NKAIN2: variants seen among roughly 807,000 people sequenced by gnomAD.
NKAIN2 encodes sodium/potassium-transporting ATPase subunit beta-1-interacting protein 2.
In NKAIN2, 14 loss-of-function variants were observed where a neutral mutation model predicts 32.6. The ratio of observed to expected loss-of-function variants is 0.43; its 90% CI spans 0.28 to 0.67. NKAIN2 has a LOEUF of 0.67. Ranked by LOEUF, NKAIN2 falls within the 30% of genes least tolerant of loss-of-function variation. NKAIN2 has a pLI of 0.17. For missense variants in NKAIN2, 198 were observed against 258.3 expected (o/e 0.77, Z 1.60); for synonymous variants, 80 against 87.2 (o/e 0.92, Z 0.46).
At chr6:124,514,660 G>C (rs1161672773) in intron 3 of NKAIN2, among the ~76,000 whole-genome samples, 1 of 151,592 alleles carries the variant, frequency 6.6e-6, no homozygotes, top group Non-Finnish European at 1.5e-5. Context: ...TCTCCAGTAA[G>C]TAGAAAGTTT....
At chr6:124,815,021 T>A (rs1205062127) in intron 5 of NKAIN2, among the ~76,000 whole-genome samples, 2 of 151,816 alleles carry the variant, frequency 1.3e-5, no homozygotes, top group Admixed American at 6.6e-5. Context: ...GCCCTGATCT[T>A]GATCTATTGT....
At chr6:124,469,867 C>T (rs563745057) in intron 3 of NKAIN2, among the ~76,000 whole-genome samples, 22 of 152,260 alleles carry the variant, frequency 1.4e-4, no homozygotes, top group Admixed American at 9.2e-4. Context: ...TTCTTCTCCC[C>T]GTCACCTCTT....
At chr6:124,807,908 C>T (rs1780667514) in intron 5 of NKAIN2, among the ~76,000 whole-genome samples, 1 of 150,384 alleles carries the variant, frequency 6.6e-6, no homozygotes, top group Non-Finnish European at 1.5e-5. Context: ...TTCCTCGACA[C>T]ATACACTCTC....
chr6:124,224,744 G>T (rs1307847821), intron 1 of NKAIN2, among the ~76,000 whole-genome samples: 1 of 151,860 alleles, frequency 6.6e-6, no homozygotes, highest in Non-Finnish European at 1.5e-5. Context: ...TTAATACATG[G>T]GTCACAGGCA....
chr6:124,466,873 T>C (rs1776780401), intron 3 of NKAIN2, among the ~76,000 whole-genome samples: 1 of 152,124 alleles, frequency 6.6e-6, no homozygotes, highest in Admixed American at 6.6e-5. Flanking sequence ...TATGAAACTT[T>C]CCAGGTATGA....
chr6:123,878,325 ACTTTTC>A (rs1773273748), intron 1 of NKAIN2, among the ~76,000 whole-genome samples: 4 of 152,070 alleles, frequency 2.6e-5, no homozygotes, highest in South Asian at 2.1e-4. Flanking sequence ...TCATATGTAC[ACTTTTC>A]CATTTCTTAC....
chr6:124,635,988 A>G (rs1161193803), intron 3 of NKAIN2, among the ~76,000 whole-genome samples: 1 of 152,080 alleles, frequency 6.6e-6, no homozygotes, highest in Non-Finnish European at 1.5e-5. Context: ...TACAGAATAC[A>G]TATTCTTCTC....
chr6:123,829,793 GA>G (rs1400390711), intron 1 of NKAIN2, among the ~76,000 whole-genome samples: 1 of 152,172 alleles, frequency 6.6e-6, no homozygotes, highest in Middle Eastern at 3.2e-3. Context: ...TCAACGTAAC[GA>G]AAAGTCAGCC....
intron 1 of NKAIN2, among the ~76,000 whole-genome samples, chr6:124,045,029 G>A (rs73770321): frequency 0.014 from 2,130 of 152,016 alleles, 48 homozygotes; most frequent in African/African-American, 0.048. Flanking sequence ...CTTTGTGCTT[G>A]GAATTATTCA....
intron 2 of NKAIN2, among the ~76,000 whole-genome samples, chr6:124,332,707 C>A (rs1797713770): frequency 6.6e-6 from 1 of 152,062 alleles, no homozygotes; most frequent in South Asian, 2.1e-4. Context: ...ATCATTATTT[C>A]CAATAAAAAT....
chr6:124,390,341 A>T (rs752354323), intron 3 of NKAIN2, among the ~76,000 whole-genome samples: 4 of 152,122 alleles, frequency 2.6e-5, no homozygotes, highest in Non-Finnish European at 5.9e-5. Flanking sequence ...TCTAGCAATT[A>T]GGCAGGCTGA....
intron 3 of NKAIN2, among the ~76,000 whole-genome samples, chr6:124,643,040 A>G (rs1784047003): frequency 6.6e-6 from 1 of 152,198 alleles, no homozygotes. Context: ...CATGACTACT[A>G]TTAAATACAG....
At chr6:124,283,650 T>C (rs1795409762) in intron 2 of NKAIN2, among the ~76,000 whole-genome samples, 1 of 152,156 alleles carries the variant, frequency 6.6e-6, no homozygotes, top group African/African-American at 2.4e-5. Context: ...CTTTTTGGCT[T>C]GAAGGAAGTA....
chr6:123,996,826 T>G (rs982518772), intron 1 of NKAIN2, among the ~76,000 whole-genome samples: 3 of 152,214 alleles, frequency 2.0e-5, no homozygotes, highest in Admixed American at 1.3e-4. Context: ...AGGGACACTT[T>G]GAATTTTGTT....
At chr6:124,765,115 A>T (rs1452109262) in intron 4 of NKAIN2, among the ~76,000 whole-genome samples, 2 of 152,222 alleles carry the variant, frequency 1.3e-5, no homozygotes, top group African/African-American at 4.8e-5. Flanking sequence ...TGCTAACTCT[A>T]ATCATTATTT....
rs753030406 is a variant in NKAIN2 at position 124,769,955 on chromosome 6, T to C, written c.475-21384T>C. On this transcript the variant is annotated intron_variant, in intron 4 of 6. Transcript: ENST00000368417. ...TATAGTTTCATATGTCACACCTTCT[T>C]CTGGAAATTCAAGAGTTAATCTCTT... Among the ~76,000 whole-genome samples the C allele has an allele frequency of 6.2e-4, 94 of 152,284 alleles. No individual in the cohort carries two copies. The Middle Eastern group carries it at 0.01, about 17-fold the overall frequency.
intron 1 of NKAIN2, among the ~76,000 whole-genome samples, chr6:123,834,380 C>T (rs1024842399): frequency 6.6e-6 from 1 of 151,986 alleles, no homozygotes; most frequent in Non-Finnish European, 1.5e-5. Context: ...GTCTTGAACT[C>T]CTGACCTCAG....
chr6:124,354,202 T>A (rs1798863250), intron 2 of NKAIN2, among the ~76,000 whole-genome samples: 1 of 152,196 alleles, frequency 6.6e-6, no homozygotes, highest in African/African-American at 2.4e-5. Context: ...CCTCTCATTT[T>A]CCTGTCTTGT....
chr6:124,698,482 G>C (rs1417228467), intron 4 of NKAIN2, among the ~76,000 whole-genome samples: 4 of 152,114 alleles, frequency 2.6e-5, no homozygotes. Context: ...GAAGTACCCT[G>C]TGCTTAATTT....
Sources: gnomAD v4.1 joint callset for allele counts (sites outside exome capture counted in the v4.1 genomes callset) on GRCh38, gnomAD v4.1.1 for gene constraint, MANE v1.5 for transcripts, NCBI Gene and HGNC (gene_info 2026-07-23, HGNC 2026-07-21) for gene names.